Variants in PGLS observed in about 807,000 individuals in gnomAD.
The protein encoded by PGLS is epididymis secretory protein Li 304.
PGLS carries 21 observed loss-of-function variants against 23.2 expected under a neutral mutation model. The observed-to-expected ratio is 0.91, with a 90% CI of 0.64 to 1.31. The LOEUF (loss-of-function observed/expected upper bound fraction) is 1.31. Ranked by LOEUF, PGLS falls within the 50% of genes most tolerant of loss-of-function variation. The pLI, the probability that PGLS is intolerant of heterozygous loss-of-function variation, is 0.00. For missense variants in PGLS, 410 were observed against 354.0 expected, an observed-to-expected ratio of 1.16 and a Z score of -1.27; for synonymous variants, 179 against 165.4, an observed-to-expected ratio of 1.08 and a Z score of -0.63.
chr19:17,515,886 C>T (rs1008182547), intron 1 of PGLS: 25 of 309,446 alleles, frequency 8.1e-5, no homozygotes, highest in Middle Eastern at 1.1e-3. Context: ...GCCACCCTCC[C>T]GTCCAGCCCC....
chr19:17,519,922 G>A (rs964189675), intron 4 of PGLS, among the ~76,000 whole-genome samples: 5 of 152,158 alleles, frequency 3.3e-5, no homozygotes, highest in African/African-American at 1.2e-4. Context: ...GGGAGGCTGA[G>A]GCAGGAGGAT....
chr19:17,517,829 A>C lies in PGLS; in HGVS notation c.618A>C (p.Glu206Asp), dbSNP rs754385272. 14 of 1,614,026 alleles carry C rather than the reference A, an allele frequency of 8.7e-6. No homozygotes were observed. Among genetic ancestry groups the C allele is most frequent in the Non-Finnish European group, 1.2e-5 (14 of 1,180,032 alleles). The change falls in exon 4 of 5, where the codon GAA becomes GAC. Residue 206 changes from glutamate (E) to aspartate (D), a missense_variant. Transcript: ENST00000252603. Reference sequence around the variant, plus strand: ...CTGTCATCTTTGTGGCAACTGGAGAAGGCAAGGCAGCTGTTCTGAAGGTAA... The same window carrying C: ...CTGTCATCTTTGTGGCAACTGGAGACGGCAAGGCAGCTGTTCTGAAGGTAA... ...ARTVIFVATG[E>D]GKAAVLKRIL...
chr19:17,516,581 T>TTA, intron 2 of PGLS: 5 of 1,012,408 alleles, frequency 4.9e-6, no homozygotes, highest in African/African-American at 1.7e-5. Context: ...CTACTTGTAT[T>TTA]TCTTTTTTTT....
At position 17,516,704 on chromosome 19, in the gene PGLS, C is replaced by T. The variant is rs541627354; in HGVS notation, c.396+424C>T. Among the ~76,000 whole-genome samples the T allele has an allele frequency of 6.6e-5, 10 of 152,126 alleles. No individual in the cohort carries two copies. The South Asian group carries it at 2.1e-3, about 32-fold the overall frequency. ...GGTTCACACCATTCTCCTGCCTCAG[C>T]CTCCTGAGTAGCTGGGACTACGGGT... is the stretch of plus-strand genomic sequence containing the variant. On this transcript the variant is annotated intron_variant, in intron 2 of 4. Coordinates refer to ENST00000252603, the MANE Select transcript of PGLS (RefSeq NM_012088.3).
At chr19:17,519,367 A>C (rs1167893739) in intron 4 of PGLS, among the ~76,000 whole-genome samples, 1 of 151,546 alleles carries the variant, frequency 6.6e-6, no homozygotes, top group South Asian at 2.1e-4. Flanking sequence ...TGAAGATTCT[A>C]TGAAGTTCAG....
chr19:17,521,125 T>G lies in PGLS; in HGVS notation c.*44T>G, dbSNP rs139156431. The G allele has an allele frequency of 6.6e-7, 1 of 1,526,186 alleles. No individual in the cohort carries two copies. Among genetic ancestry groups the G allele is most frequent in the Admixed American group, 2.0e-5 (1 of 50,322 alleles). The allele number at this position is 1,526,186 out of a possible 1,614,324, so 94.5% of individuals were successfully genotyped here. ...CAGCTGGGACCAGGCACGCGGCCCATGGGGCTGGGCCCCTGCTGGCCGCCA... is the reference window on the plus strand; with the variant it reads ...CAGCTGGGACCAGGCACGCGGCCCAGGGGGCTGGGCCCCTGCTGGCCGCCA... On this transcript the variant is annotated 3_prime_UTR_variant, in exon 5 of 5. Transcript: ENST00000252603.
intron 3 of PGLS, 65 bp from the exon 4 acceptor site, chr19:17,517,645 G>GT (rs1446665862): frequency 1.3e-6 from 2 of 1,566,062 alleles, no homozygotes; most frequent in Non-Finnish European, 8.8e-7. Flanking sequence ...CCTGGTGTGT[G>GT]TAAGTGTCCA....
chr19:17,512,131 C>A, intron 1 of PGLS, 171 bp downstream of exon 1: 1 of 708,792 alleles, frequency 1.4e-6, no homozygotes, highest in Non-Finnish European at 2.2e-6. Context: ...CCACTGCCTG[C>A]ACCTCGGCTA....
intron 4 of PGLS, among the ~76,000 whole-genome samples, 183 bp from the exon 5 acceptor site, chr19:17,520,761 T>G (rs2075553804): frequency 6.6e-6 from 1 of 152,012 alleles, no homozygotes; most frequent in Admixed American, 6.6e-5. Flanking sequence ...TAAAAATAGT[T>G]ACAGTGGATA....
In PGLS at chr19:17,511,862, C is replaced by A. The variant is rs1351644692; in HGVS notation, c.190C>A (p.Pro64Thr). 2.0e-6 allele frequency: 3 copies of A among 1,534,590 alleles called. No homozygotes were observed. The highest frequency in any genetic ancestry group is 2.4e-5 in the South Asian group (2 of 83,340). The change falls in exon 1 of 5, where the codon CCT becomes ACT. Residue 64 changes from proline (P) to threonine (T), a missense_variant. By Grantham distance (38) the Pro-to-Thr change is conservative. Transcript: ENST00000252603. ...LARELPAAVAPAGPASLARWT... is the reference protein window; with the variant it reads ...LARELPAAVATAGPASLARWT... Reference sequence around the variant, plus strand: ...CCGCGAGCTACCCGCCGCCGTCGCCCCTGCCGGGCCAGCTAGCTTAGCGCG... The same window carrying A: ...CCGCGAGCTACCCGCCGCCGTCGCCACTGCCGGGCCAGCTAGCTTAGCGCG...
chr19:17,516,582 T>TA, intron 2 of PGLS: 15 of 970,618 alleles, frequency 1.5e-5, no homozygotes, highest in Non-Finnish European at 1.9e-5. Flanking sequence ...TACTTGTATT[T>TA]CTTTTTTTTT....
intron 2 of PGLS, among the ~76,000 whole-genome samples, chr19:17,516,798 AG>A (rs1568432939): frequency 1.3e-5 from 2 of 150,436 alleles, no homozygotes; most frequent in East Asian, 2.0e-4. Flanking sequence ...CATGTTAGCC[AG>A]GATGGTCTCG....
intron 1 of PGLS, 147 bp from the exon 2 acceptor site, chr19:17,516,026 C>T (rs1431185915): frequency 1.8e-5 from 11 of 610,258 alleles, no homozygotes; most frequent in African/African-American, 5.5e-5. Flanking sequence ...ACTCACCAAC[C>T]GAAGGACCTT....
chr19:17,512,277 C>T, intron 1 of PGLS: 1 of 401,520 alleles, frequency 2.5e-6, no homozygotes, highest in South Asian at 3.0e-5. Context: ...GGGGTCTAGC[C>T]GACAGGGCTC....
chr19:17,513,652 C>G (rs2075520147), intron 1 of PGLS, among the ~76,000 whole-genome samples: 2 of 152,092 alleles, frequency 1.3e-5, no homozygotes, highest in African/African-American at 4.8e-5. Context: ...GACCCCATCT[C>G]TACTAAAAAT....
rs748707503 is a variant in PGLS at position 17,516,173 on chromosome 19, A to G, written c.289A>G (p.Thr97Ala). 1.9e-6 allele frequency: 3 copies of G among 1,612,768 alleles called. No individual in the cohort carries two copies. In the Admixed American group the frequency reaches 5.0e-5, roughly 27 times the overall value. The change falls in exon 2 of 5, where the codon ACG becomes GCG. Residue 97 changes from threonine (T) to alanine (A), a missense_variant and splice_region_variant. Transcript: ENST00000252603. ...GACATTGTCCCTCTGTTGGCTGCAG[A>G]CGCATCTTCTCTCCAGACTGCCGAT... ...HAESTYGLYR[T>A]HLLSRLPIPE...
intron 4 of PGLS, chr19:17,518,332 C>T (rs1178994975): frequency 6.7e-6 from 1 of 150,272 alleles, no homozygotes; most frequent in Non-Finnish European, 1.5e-5. Flanking sequence ...AAGCTCCTGA[C>T]AAGGCTAATC....
At position 17,511,879 on chromosome 19, in the gene PGLS, C is replaced by T. The variant is rs752588618; in HGVS notation, c.207C>T (p.Ser69=). The T allele has an allele frequency of 3.9e-6, 6 of 1,540,454 alleles. No homozygotes were observed. The African/African-American group carries it at 5.6e-5, about 14-fold the overall frequency. Residue 69 remains serine (S), a synonymous_variant, in exon 1 of 5, where the codon AGC becomes AGT. Coordinates refer to ENST00000252603, the MANE Select transcript of PGLS (RefSeq NM_012088.3). ...PAAVAPAGPA[S]LARWTLGFCD... is the part of the protein sequence containing the mutation. ...CCGTCGCCCCTGCCGGGCCAGCTAG[C>T]TTAGCGCGCTGGACGCTGGGCTTCT...
chr19:17,512,241 C>T (rs1025542436), intron 1 of PGLS: 13 of 476,148 alleles, frequency 2.7e-5, no homozygotes, highest in South Asian at 2.1e-4. Flanking sequence ...CGCCCACTGC[C>T]TGCACCTCGA....
Sources: gnomAD v4.1 joint callset for allele counts (sites outside exome capture counted in the v4.1 genomes callset) on GRCh38, gnomAD v4.1.1 for gene constraint, MANE v1.5 for transcripts, NCBI Gene and HGNC (gene_info 2026-07-23, HGNC 2026-07-21) for gene names.